The following MYO7A variants were observed in gnomAD, a reference collection of about 807,000 sequenced individuals.
MYO7A encodes the protein myosin VIIA, also known as unconventional myosin-VIIa.
A neutral mutation model predicts 263.8 loss-of-function variants in MYO7A; 210 were observed. The ratio of observed to expected loss-of-function variants is 0.80; its 90% CI spans 0.71 to 0.89. MYO7A has a LOEUF of 0.89. Ranked by LOEUF, MYO7A falls within the 40% of genes least tolerant of loss-of-function variation. MYO7A has a pLI of 0.00. For synonymous variants in MYO7A, 1,239 were observed against 1,197.3 expected (o/e 1.03, Z -0.72); for missense variants, 2,820 against 2,968.3 (o/e 0.95, Z 1.16).
In MYO7A at chr11:77,183,079, C is replaced by T. The variant is rs367668576; in HGVS notation, c.3297C>T (p.Pro1099=). The change falls in exon 26 of 49, where the codon CCC becomes CCT. Residue 1099 remains proline, a synonymous_variant. Coordinates refer to ENST00000409709, the MANE Select transcript of MYO7A (RefSeq NM_000260.4). The stretch of plus-strand genomic sequence containing the variant: ...TGCTGGTCCTGCAGGCCCAGCTCCC[C>T]GAGGGCCAGAAGAAGAGCAGTGTGA... The part of the protein sequence containing the change: ...ALQGEGEAQL[P]EGQKKSSVRH... The T allele has an allele frequency of 9.2e-5, 143 of 1,551,378 alleles. 3 individuals carry two copies. The highest frequency in any genetic ancestry group is 8.4e-4 in the Middle Eastern group (5 of 5,986).
intron 3 of MYO7A, among the ~76,000 whole-genome samples, chr11:77,147,500 C>A (rs1460892415): frequency 6.6e-6 from 1 of 152,154 alleles, no homozygotes; most frequent in Non-Finnish European, 1.5e-5. Flanking sequence ...TGCAAAGGGC[C>A]TGAGGGAACT....
Position 77,162,027 on chromosome 11 carries a change from T to C in MYO7A, c.1344-93T>C, listed in dbSNP as rs1953046898. The stretch of plus-strand genomic sequence containing the variant: ...GGAGTCCATGATGGGGATAGCTTGC[T>C]AATGGCCATGCTGCAGGTGGAGGCA... On this transcript the variant is annotated intron_variant, in intron 12 of 48. Transcript: ENST00000409709. 4 of 1,164,672 alleles carry C rather than the reference T, an allele frequency of 3.4e-6. No homozygotes were observed. In the Admixed American group the frequency reaches 8.3e-5, roughly 24 times the overall value. 72.1% of individuals were successfully genotyped at this position (1,164,672 alleles called of 1,614,324 possible).
chr11:77,172,727 C>A, intron 15 of MYO7A, 21 bp from the exon 16 acceptor site: 3 of 1,549,206 alleles, frequency 1.9e-6, no homozygotes, highest in Non-Finnish European at 2.6e-6. Flanking sequence ...CCCCTCCCAT[C>A]GCTGCCGTCC....
chr11:77,213,112 C>A, intron 47 of MYO7A, 77 bp downstream of exon 47: 2 of 1,151,860 alleles, frequency 1.7e-6, no homozygotes, highest in Non-Finnish European at 2.5e-6. Flanking sequence ...ACGAACCCCA[C>A]AAGCCCTCCT....
chr11:77,174,626 C>T, intron 16 of MYO7A, 130 bp from the exon 17 acceptor site: 1 of 918,680 alleles, frequency 1.1e-6, no homozygotes. Flanking sequence ...GGTGCCTGTC[C>T]CAGCTTTGCT....
chr11:77,154,401 G>A (rs1952243866), intron 4 of MYO7A, among the ~76,000 whole-genome samples: 1 of 152,162 alleles, frequency 6.6e-6, no homozygotes, highest in Non-Finnish European at 1.5e-5. Flanking sequence ...CACAGGTCCT[G>A]ATCTGAGAAT....
Position 77,206,157 on chromosome 11 carries a change from C to T in MYO7A, c.5697C>T (p.Thr1899=). 1 of 1,613,588 alleles carries T rather than the reference C, an allele frequency of 6.2e-7. No individual in the cohort carries two copies. Among genetic ancestry groups the T allele is most frequent in the Non-Finnish European group, 8.5e-7 (1 of 1,179,760 alleles). ...LVEVEAIQHK[T]TQIFHKVYFP... is the part of the protein sequence containing the mutation. ...AGGTGGAGGCCATCCAGCACAAGAC[C>T]ACCCAGATTTTCCACAAAGTCTACT... The change falls in exon 41 of 49, where the codon ACC becomes ACT. Residue 1899 remains threonine, a synonymous_variant. Transcript: ENST00000409709.
Position 77,162,904 on chromosome 11 carries a change from G to A in MYO7A, c.1606G>A (p.Ala536Thr), listed in dbSNP as rs201046979. 3.7e-5 allele frequency: 59 copies of A among 1,613,498 alleles called. No homozygotes were observed. Among genetic ancestry groups the A allele is most frequent in the Admixed American group, 2.3e-4 (14 of 59,956 alleles). Residue 536 changes from alanine (A) to threonine (T), a missense_variant, in exon 14 of 49, where the codon GCC becomes ACC. Transcript: ENST00000409709. ...GCTGAACTCCCAGCACAAGCTCAAC[G>A]CCAACTACATCCCCCCCAAGAACAA... ...HKLNSQHKLNANYIPPKNNHE... is the reference protein window; with the variant it reads ...HKLNSQHKLNTNYIPPKNNHE...
chr11:77,179,815 C>T lies in MYO7A; in HGVS notation c.2448C>T (p.Arg816=), dbSNP rs745917600. 1.1e-5 allele frequency: 17 copies of T among 1,547,424 alleles called. No individual in the cohort carries two copies. In the African/African-American group the frequency reaches 2.0e-4, roughly 19 times the overall value. Residue 816 remains arginine (R), a synonymous_variant, in exon 21 of 49, where the codon CGC becomes CGT. Coordinates refer to ENST00000409709, the MANE Select transcript of MYO7A (RefSeq NM_000260.4). ...LHQQYRLARQ[R]IIQFQARCRA... ...AGCAGTACCGCCTGGCCCGCCAGCG[C>T]ATCATCCAGTTCCAGGCCCGCTGCC...
At chr11:77,176,551 G>A (rs1220564503) in intron 18 of MYO7A, among the ~76,000 whole-genome samples, 1 of 152,228 alleles carries the variant, frequency 6.6e-6, no homozygotes, top group African/African-American at 2.4e-5. Flanking sequence ...CCCTGTGTGG[G>A]CAAAGTGGGG....
In MYO7A at chr11:77,207,096, G is replaced by A. The variant is rs1957490590; in HGVS notation, c.5743-193G>A. The A allele has an allele frequency of 1.2e-5, 6 of 513,538 alleles. No homozygotes were observed. The South Asian group carries it at 1.8e-4, about 15-fold the overall frequency. 31.8% of individuals were successfully genotyped at this position (513,538 alleles called of 1,614,324 possible). On this transcript the variant is annotated intron_variant, in intron 41 of 48. Coordinates refer to ENST00000409709, the MANE Select transcript of MYO7A (RefSeq NM_000260.4). ...GGCCACCTTCTGCTTGGAGAGTCGG[G>A]AGGAGGAGACCTGGGAAGACCCAGA... is the stretch of plus-strand genomic sequence containing the variant.
At chr11:77,196,143 C>T (rs11237111) in intron 32 of MYO7A, among the ~76,000 whole-genome samples, 78,905 of 152,104 alleles carry the variant, frequency 0.52, 20,738 homozygotes, top group Admixed American at 0.59. Context: ...CCAAGGCGGG[C>T]GGATCATGAG....
rs782412041 is a variant in MYO7A, at chr11:77,156,843, C to A, written c.593-19C>A. 1 of 1,613,960 alleles carries A rather than the reference C, an allele frequency of 6.2e-7. No homozygotes were observed. Among genetic ancestry groups the A allele is most frequent in the Admixed American group, 1.7e-5 (1 of 60,034 alleles). On this transcript the variant is annotated intron_variant, in intron 6 of 48. Coordinates refer to ENST00000409709, the MANE Select transcript of MYO7A (RefSeq NM_000260.4). ...GGGCGGGAGCGGGCTTTGCCAGTGACACCCTACTCACTCCGCAGCATTTGG... is the reference window on the plus strand; with the variant it reads ...GGGCGGGAGCGGGCTTTGCCAGTGAAACCCTACTCACTCCGCAGCATTTGG...
chr11:77,213,086 C>A, intron 47 of MYO7A, 51 bp downstream of exon 47: 2 of 1,405,878 alleles, frequency 1.4e-6, no homozygotes, highest in Non-Finnish European at 2.0e-6. Flanking sequence ...GCCTGAACCA[C>A]AGACACGGTC....
intron 38 of MYO7A, among the ~76,000 whole-genome samples, chr11:77,203,513 A>G (rs1957222286): frequency 1.3e-5 from 2 of 152,164 alleles, no homozygotes; most frequent in Non-Finnish European, 2.9e-5. Context: ...ATCCAGATCA[A>G]TGTTGAGATG....
At chr11:77,143,608 T>C (rs895223199) in intron 3 of MYO7A, among the ~76,000 whole-genome samples, 1 of 152,174 alleles carries the variant, frequency 6.6e-6, no homozygotes, top group Non-Finnish European at 1.5e-5. Context: ...TGCGTGCACA[T>C]GTGTGTGTCA....
chr11:77,174,620 C>T (rs1215351094), intron 16 of MYO7A, 136 bp from the exon 17 acceptor site: 4 of 833,058 alleles, frequency 4.8e-6, no homozygotes, highest in East Asian at 5.4e-5. Context: ...GATCCCGGTG[C>T]CTGTCCCAGC....
rs1385324903 is a variant in MYO7A, at chr11:77,205,491, T to C, written c.5510T>C (p.Leu1837Pro). 3 of 1,589,530 alleles carry C rather than the reference T, an allele frequency of 1.9e-6. No homozygotes were observed. The highest frequency in any genetic ancestry group is 3.5e-5 in the Admixed American group (2 of 56,546). ...RYSEERGWELLWLCTGLFPPS... is the reference protein window; with the variant it reads ...RYSEERGWELPWLCTGLFPPS... ...AGCGAGGAGCGGGGTTGGGAGCTGC[T>C]CTGGCTGTGCACGGGCCTTTTCCCA... The change falls in exon 40 of 49, where the codon CTC becomes CCC. Residue 1837 changes from leucine to proline, a missense_variant. Transcript: ENST00000409709.
chr11:77,175,457 T>C lies in MYO7A; in HGVS notation c.2180T>C (p.Phe727Ser). ...TGGCAGATAGGCAAAACCAAGATCT[T>C]TCTGAAGGTGAGCACAGATGCCTTC... ...DDWQIGKTKI[F>S]LKDHHDMLLE... is the part of the protein sequence containing the mutation. Residue 727 changes from phenylalanine to serine, a missense_variant, in exon 18 of 49, where the codon TTT becomes TCT. Physicochemically the swap from Phe to Ser is radical, Grantham distance 155 (BLOSUM62 -2). Coordinates refer to ENST00000409709, the MANE Select transcript of MYO7A (RefSeq NM_000260.4). 6.2e-7 allele frequency: 1 copy of C among 1,613,170 alleles called. No homozygotes were observed. The highest frequency in any genetic ancestry group is 8.5e-7 in the Non-Finnish European group (1 of 1,179,848).
Sources: allele counts gnomAD v4.1 joint callset (sites outside exome capture counted in the v4.1 genomes callset), GRCh38; gene constraint gnomAD v4.1.1; transcripts MANE v1.5; gene names NCBI Gene and HGNC (gene_info 2026-07-23, HGNC 2026-07-21).